The following DNAH3 variants were observed in gnomAD, a reference collection of about 807,000 sequenced individuals.
DNAH3 encodes the protein dynein axonemal heavy chain 3.
Under a neutral mutation model 432.5 loss-of-function variants are expected in DNAH3, and 332 were observed. That is an observed-to-expected ratio of 0.77 (90% CI 0.70 to 0.84). The LOEUF (loss-of-function observed/expected upper bound fraction) is 0.84, where lower values mean the gene tolerates loss of function less well. Among genes scored for constraint, DNAH3 ranks in the 40% least tolerant of loss-of-function variants. DNAH3 has a pLI of 0.00. For missense variants in DNAH3, 4,861 were observed against 5,114.0 expected (o/e 0.95, Z 1.51); for synonymous variants, 1,956 against 1,900.2 (o/e 1.03, Z -0.76).
At chr16:21,155,085 G>T (rs1221691283) in intron 1 of DNAH3, among the ~76,000 whole-genome samples, 1 of 151,808 alleles carries the variant, frequency 6.6e-6, no homozygotes, top group African/African-American at 2.4e-5. Context: ...CAGTAACTGG[G>T]ATTACAGGCG....
chr16:21,126,725 T>A (rs1433135555), intron 8 of DNAH3, among the ~76,000 whole-genome samples: 1 of 152,122 alleles, frequency 6.6e-6, no homozygotes, highest in African/African-American at 2.4e-5. Flanking sequence ...TCATCTGTAT[T>A]TACAGCCGCT....
chr16:21,113,172 T>G (rs187055973), intron 12 of DNAH3, among the ~76,000 whole-genome samples: 1 of 152,130 alleles, frequency 6.6e-6, no homozygotes, highest in Non-Finnish European at 1.5e-5. Flanking sequence ...TTTGGCTGTG[T>G]CTCCACCAAA....
chr16:21,029,999 A>T (rs948109314), intron 37 of DNAH3, among the ~76,000 whole-genome samples: 1 of 149,904 alleles, frequency 6.7e-6, no homozygotes, highest in South Asian at 2.1e-4. Context: ...ATTAAAACAA[A>T]TTTTTTTTTT....
At chr16:21,115,811 T>A (rs1417968081) in intron 12 of DNAH3, among the ~76,000 whole-genome samples, 1 of 151,808 alleles carries the variant, frequency 6.6e-6, no homozygotes, top group Non-Finnish European at 1.5e-5. Context: ...AGTCCATGAA[T>A]AGGGAAAACA....
rs145127862 is a variant in DNAH3 at position 20,979,408 on chromosome 16, A to G, written c.7998T>C (p.Asn2666=). 7 of 1,614,016 alleles carry G rather than the reference A, an allele frequency of 4.3e-6. No homozygotes were observed. In the African/African-American group the frequency reaches 8.0e-5, roughly 18 times the overall value. ...TCATAGCCACCTCTTGCCTCTTGCT[A>G]TTCAGGAGCGTCTTGAAGGTTAGAA... Residue 2666 remains asparagine (N), a synonymous_variant, in exon 50 of 62, where the codon AAT becomes AAC. Transcript: ENST00000261383.
At chr16:20,980,402 G>A (rs996821954) in intron 49 of DNAH3, among the ~76,000 whole-genome samples, 4 of 132,492 alleles carry the variant, frequency 3.0e-5, no homozygotes, top group African/African-American at 1.1e-4. Context: ...AGACAGGATT[G>A]CACTCTGTCA....
intron 36 of DNAH3, 103 bp downstream of exon 36, chr16:21,033,871 G>T (rs2089021467): frequency 5.6e-6 from 4 of 715,230 alleles, no homozygotes; most frequent in East Asian, 2.6e-5. Context: ...CTGACGTCAC[G>T]ATCGAGGCCT....
At chr16:20,938,518 C>A (rs756333288) in intron 59 of DNAH3, among the ~76,000 whole-genome samples, 2 of 152,088 alleles carry the variant, frequency 1.3e-5, no homozygotes, top group Non-Finnish European at 2.9e-5. Flanking sequence ...TGCAAAGATT[C>A]TCTTTCTATT....
intron 1 of DNAH3, chr16:21,158,480 C>G (rs1004153556): frequency 6.6e-6 from 1 of 152,528 alleles, no homozygotes; most frequent in East Asian, 1.9e-4. Context: ...AGGGCTTGTT[C>G]TAGTGGCTCC....
At chr16:20,969,763 T>G in intron 52 of DNAH3, 29 bp downstream of exon 52, 1 of 1,612,772 alleles carries the variant, frequency 6.2e-7, no homozygotes, top group Non-Finnish European at 8.5e-7. Flanking sequence ...GAGCAGCCTG[T>G]GCAGGCATCT....
intron 50 of DNAH3, among the ~76,000 whole-genome samples, chr16:20,978,995 G>A (rs1320921716): frequency 6.6e-6 from 1 of 151,550 alleles, no homozygotes; most frequent in African/African-American, 2.4e-5. Context: ...TCCTGCCCAG[G>A]TCCCCATAAG....
At chr16:21,141,193 T>C (rs2092714015) in intron 4 of DNAH3, 107 bp downstream of exon 5, 1 of 817,514 alleles carries the variant, frequency 1.2e-6, no homozygotes, top group South Asian at 1.8e-5. Flanking sequence ...AATATGATTA[T>C]CTGGGAATGC....
intron 23 of DNAH3, among the ~76,000 whole-genome samples, 165 bp from the exon 24 acceptor site, chr16:21,067,584 C>A (rs1000359229): frequency 1.3e-5 from 2 of 152,026 alleles, no homozygotes; most frequent in Non-Finnish European, 2.9e-5. Context: ...TGGAACATGA[C>A]CTTGTTCCTC....
chr16:20,963,283 C>G lies in DNAH3; in HGVS notation c.10600+1G>C. 1 of 1,612,302 alleles carries G rather than the reference C, an allele frequency of 6.2e-7. No homozygotes were observed. Among genetic ancestry groups the G allele is most frequent in the Non-Finnish European group, 8.5e-7 (1 of 1,179,044 alleles). Reference sequence around the variant, plus strand: ...TCTCTCCCACAACACTCTGTTCTTACCTGCCATTGGGTCTGCACTTGGAGA... The same window carrying G: ...TCTCTCCCACAACACTCTGTTCTTAGCTGCCATTGGGTCTGCACTTGGAGA... On this transcript the variant is annotated splice_donor_variant, in intron 53 of 61. Transcript: ENST00000261383. LOFTEE classifies it high-confidence loss of function.
chr16:21,049,668 G>A, exon 31 of DNAH3: 1 of 1,614,158 alleles, frequency 6.2e-7, no homozygotes, highest in South Asian at 1.1e-5. Flanking sequence ...CATCGGAGCA[G>A]TTGAAGACCA....
chr16:21,156,797 G>A (rs559718067), intron 1 of DNAH3, among the ~76,000 whole-genome samples: 3 of 152,126 alleles, frequency 2.0e-5, no homozygotes, highest in South Asian at 4.1e-4. Context: ...ATGATGTGAT[G>A]GAGGAAGCAT....
intron 44 of DNAH3, among the ~76,000 whole-genome samples, chr16:20,988,283 T>C (rs925780847): frequency 3.9e-5 from 6 of 152,232 alleles, no homozygotes; most frequent in African/African-American, 1.4e-4. Flanking sequence ...CTCACCACAC[T>C]TCAAGTGCTC....
At chr16:20,953,264 T>G (rs544093385) in intron 55 of DNAH3, among the ~76,000 whole-genome samples, 2 of 151,948 alleles carry the variant, frequency 1.3e-5, no homozygotes, top group African/African-American at 4.8e-5. Flanking sequence ...GTTCAAGAGA[T>G]TCTCCTGTCT....
At chr16:21,157,609 T>G (rs1339036840) in intron 1 of DNAH3, among the ~76,000 whole-genome samples, 1 of 152,090 alleles carries the variant, frequency 6.6e-6, no homozygotes. Context: ...GGATTATAGG[T>G]GTGAGCCACC....
Sources: gnomAD v4.1 joint callset for allele counts (sites outside exome capture counted in the v4.1 genomes callset) on GRCh38, gnomAD v4.1.1 for gene constraint, MANE v1.5 for transcripts, NCBI Gene and HGNC (gene_info 2026-07-23, HGNC 2026-07-21) for gene names.